Variants in TRPM3 observed in about 807,000 individuals in gnomAD.
The protein encoded by TRPM3 is transient receptor potential cation channel subfamily M member 3.
Under a neutral mutation model 181.2 loss-of-function variants are expected in TRPM3, and 77 were observed. That is an observed-to-expected ratio of 0.42 (90% CI 0.35 to 0.51). The LOEUF (loss-of-function observed/expected upper bound fraction) is 0.51. TRPM3 is among the 20% of genes least tolerant of loss of function. The pLI is 0.01. For missense variants in TRPM3, 1,759 were observed against 2,196.7 expected, an observed-to-expected ratio of 0.80 and a Z score of 3.98; for synonymous variants, 745 against 796.4, an observed-to-expected ratio of 0.94 and a Z score of 1.09.
At chr9:71,283,750 A>T (rs775122151) in intron 1 of TRPM3, among the ~76,000 whole-genome samples, 1 of 152,160 alleles carries the variant, frequency 6.6e-6, no homozygotes, top group Non-Finnish European at 1.5e-5. Context: ...TTCTGCTTTC[A>T]ATTCTTTTGG....
intron 8 of TRPM3, among the ~76,000 whole-genome samples, chr9:70,747,250 A>G (rs2075325680): frequency 6.6e-6 from 1 of 152,192 alleles, no homozygotes; most frequent in South Asian, 2.1e-4. Context: ...ATAAATGACA[A>G]GCACAAGAAA....
At chr9:71,423,062 T>C (rs957592994) in intron 1 of TRPM3, among the ~76,000 whole-genome samples, 1 of 152,070 alleles carries the variant, frequency 6.6e-6, no homozygotes, top group African/African-American at 2.4e-5. Context: ...ATTAAGAGTT[T>C]TGCTTCATTT....
At chr9:71,301,541 T>C (rs955690463) in intron 1 of TRPM3, among the ~76,000 whole-genome samples, 10 of 152,310 alleles carry the variant, frequency 6.6e-5, no homozygotes, top group African/African-American at 1.9e-4. Context: ...CGTAATATTA[T>C]AAAAATATAT....
intron 1 of TRPM3, among the ~76,000 whole-genome samples, chr9:71,042,837 C>G (rs1378561050): frequency 2.0e-5 from 3 of 152,084 alleles, no homozygotes; most frequent in Non-Finnish European, 4.4e-5. Context: ...CTATACCTGG[C>G]AGTTGGGAAG....
At chr9:70,751,519 A>C (rs990079233) in intron 8 of TRPM3, among the ~76,000 whole-genome samples, 5 of 152,190 alleles carry the variant, frequency 3.3e-5, no homozygotes, top group African/African-American at 1.2e-4. Flanking sequence ...GACACAAAGA[A>C]CAAAAGGACT....
At chr9:70,999,657 A>G (rs971248779) in intron 1 of TRPM3, among the ~76,000 whole-genome samples, 13 of 152,202 alleles carry the variant, frequency 8.5e-5, no homozygotes, top group African/African-American at 1.9e-4. Context: ...TTTTGGCAAG[A>G]TGGCATTTTA....
rs531155071 is a variant in TRPM3, at chr9:70,534,607, T to G, written c.*1346A>C. The stretch of plus-strand genomic sequence containing the variant: ...GCTTTCTATTTTGGTCTACTGTATC[T>G]TTTTTTATAGCTCTGTCTATAAGAA... On this transcript the variant is annotated 3_prime_UTR_variant, in exon 26 of 26. Coordinates refer to ENST00000677713, the MANE Select transcript of TRPM3 (RefSeq NM_001366145.2). 1 of 152,324 alleles carries G rather than the reference T, an allele frequency of 6.6e-6. No homozygotes were observed. Among genetic ancestry groups the G allele is most frequent in the East Asian group, 1.9e-4 (1 of 5,192 alleles). The allele number at this position is 152,324 out of a possible 1,614,324, so 9.4% of individuals were successfully genotyped here.
rs560867740 is a variant in TRPM3 at position 70,881,879 on chromosome 9, T to C, written c.178-17368A>G. Reference sequence around the variant, plus strand: ...TTCCCTTGGTCACATTTTAACTACATTGAGGGTAGGGACTGTGTCTCCTCT... The same window carrying C: ...TTCCCTTGGTCACATTTTAACTACACTGAGGGTAGGGACTGTGTCTCCTCT... On this transcript the variant is annotated intron_variant, in intron 1 of 25. Transcript: ENST00000677713. 9.2e-5 allele frequency among the ~76,000 whole-genome samples: 14 copies of C among 152,300 alleles called. No homozygotes were observed. In the South Asian group the frequency reaches 2.1e-3, roughly 23 times the overall value.
intron 22 of TRPM3, among the ~76,000 whole-genome samples, chr9:70,564,471 C>T (rs2050008727): frequency 6.6e-6 from 1 of 152,172 alleles, no homozygotes; most frequent in African/African-American, 2.4e-5. Flanking sequence ...CTACCTCAGC[C>T]TACAGGCCAC....
rs368231706 is a variant in TRPM3 at position 71,283,587 on chromosome 9, G to A, written c.183+163066C>T. Among the ~76,000 whole-genome samples, 75 of 152,316 alleles carry A rather than the reference G, an allele frequency of 4.9e-4. No homozygotes were observed. The South Asian group carries it at 0.016, about 32-fold the overall frequency. ...CAAAGTGCTGGGATTACTGGCATGA[G>A]CCACCATGTCCGGCCTCCTTCCTTT... On this transcript the variant is annotated intron_variant, in intron 1 of 24. Transcript: ENST00000357533.
At chr9:71,078,874 A>G (rs1215527310) in intron 1 of TRPM3, among the ~76,000 whole-genome samples, 1 of 152,220 alleles carries the variant, frequency 6.6e-6, no homozygotes, top group Non-Finnish European at 1.5e-5. Flanking sequence ...TACAAAGGTA[A>G]TAAGTGCCAT....
intron 1 of TRPM3, among the ~76,000 whole-genome samples, chr9:71,033,904 G>A (rs1304790833): frequency 6.6e-6 from 1 of 152,132 alleles, no homozygotes; most frequent in Non-Finnish European, 1.5e-5. Context: ...TAGTCAGGCT[G>A]CCATCCCATC....
At position 70,569,615 on chromosome 9, in the gene TRPM3, G is replaced by A. The variant is rs529506867; in HGVS notation, c.3224-16305C>T. Among the ~76,000 whole-genome samples the A allele has an allele frequency of 2.6e-5, 4 of 152,296 alleles. No individual in the cohort carries two copies. The East Asian group carries it at 5.8e-4, about 22-fold the overall frequency. On this transcript the variant is annotated intron_variant, in intron 22 of 25. Transcript: ENST00000677713. ...GATCTGGCTTTATCAACTGGTAGAA[G>A]TCTGTGTGTTAGCATCTGAGATCAA...
At chr9:71,060,473 C>T (rs1353621681) in intron 1 of TRPM3, among the ~76,000 whole-genome samples, 2 of 152,088 alleles carry the variant, frequency 1.3e-5, no homozygotes, top group Non-Finnish European at 2.9e-5. Context: ...AGTAACATGT[C>T]CGACATCATT....
At chr9:71,442,865 A>G (rs1297894586) in intron 1 of TRPM3, among the ~76,000 whole-genome samples, 1 of 152,244 alleles carries the variant, frequency 6.6e-6, no homozygotes, top group East Asian at 1.9e-4. Context: ...ATAGAATCAA[A>G]ACAAATAGCA....
chr9:70,870,806 A>G (rs942079888), intron 1 of TRPM3, among the ~76,000 whole-genome samples: 63 of 152,020 alleles, frequency 4.1e-4, no homozygotes, highest in African/African-American at 1.5e-3. Context: ...TACAGAGGTG[A>G]TAGGTAGGAA....
chr9:71,069,266 TCA>T (rs1268524289), intron 1 of TRPM3, among the ~76,000 whole-genome samples: 1 of 152,162 alleles, frequency 6.6e-6, no homozygotes, highest in Non-Finnish European at 1.5e-5. Flanking sequence ...CACCTCTGCC[TCA>T]CAGGTTCAAG....
At chr9:71,319,415 G>A (rs1368578079) in intron 1 of TRPM3, among the ~76,000 whole-genome samples, 1 of 152,130 alleles carries the variant, frequency 6.6e-6, no homozygotes, top group Non-Finnish European at 1.5e-5. Flanking sequence ...AGACCCAAGA[G>A]CCAGGAGCAT....
intron 1 of TRPM3, among the ~76,000 whole-genome samples, chr9:70,892,019 C>A (rs937679219): frequency 6.6e-6 from 1 of 152,068 alleles, no homozygotes; most frequent in African/African-American, 2.4e-5. Context: ...AGATCCACAG[C>A]AGGGTGAATA....
Sources: gnomAD v4.1 joint callset for allele counts (sites outside exome capture counted in the v4.1 genomes callset) on GRCh38, gnomAD v4.1.1 for gene constraint, MANE v1.5 for transcripts, NCBI Gene and HGNC (gene_info 2026-07-23, HGNC 2026-07-21) for gene names.